The following ZNF678 variants were observed in gnomAD, a reference collection of about 807,000 sequenced individuals.
ZNF678 encodes hypothetical protein MGC42493.
In ZNF678, 5 loss-of-function variants were observed where a neutral mutation model predicts 3.0. That is an observed-to-expected ratio of 1.69 (90% confidence interval 0.88 to 3.56). ZNF678 has a LOEUF of 3.56. Ranked by LOEUF, ZNF678 falls within the 30% of genes most tolerant of loss-of-function variation. ZNF678 has a pLI of 0.00. For synonymous variants in ZNF678, 218 were observed against 199.6 expected (o/e 1.09, Z -0.78); for missense variants, 593 against 605.0 (o/e 0.98, Z 0.21).
chr1:227,596,934 G>A (rs1485653915), intron 1 of ZNF678, among the ~76,000 whole-genome samples: 1 of 152,082 alleles, frequency 6.6e-6, no homozygotes, highest in African/African-American at 2.4e-5. Flanking sequence ...AAATTCAACA[G>A]CACATAATAA....
intron 2 of ZNF678, among the ~76,000 whole-genome samples, chr1:227,650,468 A>G (rs1659062679): frequency 6.6e-6 from 1 of 152,098 alleles, no homozygotes; most frequent in Non-Finnish European, 1.5e-5. Flanking sequence ...TCAACTATTC[A>G]ATGTCTTGTA....
At chr1:227,577,027 A>G (rs1384407700) in intron 1 of ZNF678, among the ~76,000 whole-genome samples, 1 of 152,166 alleles carries the variant, frequency 6.6e-6, no homozygotes, top group Admixed American at 6.5e-5. Flanking sequence ...TTAAATTTCC[A>G]TGTAATTATA....
intron 1 of ZNF678, among the ~76,000 whole-genome samples, chr1:227,615,777 G>A (rs986481053): frequency 6.6e-6 from 1 of 152,196 alleles, no homozygotes; most frequent in Non-Finnish European, 1.5e-5. Context: ...ATGTCAGGCA[G>A]GCAGCCTTTC....
intron 1 of ZNF678, among the ~76,000 whole-genome samples, chr1:227,583,345 CTTTTTTCTTTTTTTTT>C (rs1351150102): frequency 6.9e-6 from 1 of 145,290 alleles, no homozygotes; most frequent in African/African-American, 2.5e-5. Context: ...CTTTTTTTTT[CTTTTTTCTTTTTTTTT>C]TTTTTTTTGA....
At chr1:227,569,099 C>G (rs897426375) in intron 1 of ZNF678, among the ~76,000 whole-genome samples, 4 of 152,166 alleles carry the variant, frequency 2.6e-5, no homozygotes, top group African/African-American at 9.7e-5. Flanking sequence ...TCAAGGACTT[C>G]CTGCCTCACC....
intron 1 of ZNF678, among the ~76,000 whole-genome samples, chr1:227,584,876 G>T (rs926446642): frequency 2.0e-5 from 3 of 152,208 alleles, no homozygotes; most frequent in South Asian, 2.1e-4. Flanking sequence ...CATTGAGGCT[G>T]ATCAGATATT....
chr1:227,644,630 C>T (rs1473136034), intron 1 of ZNF678, among the ~76,000 whole-genome samples: 4 of 152,140 alleles, frequency 2.6e-5, no homozygotes, highest in Admixed American at 2.0e-4. Flanking sequence ...GGACTTCTTA[C>T]AGAAGCCAGT....
chr1:227,645,359 C>A (rs1488865010), intron 1 of ZNF678, among the ~76,000 whole-genome samples: 3 of 152,056 alleles, frequency 2.0e-5, no homozygotes, highest in African/African-American at 7.2e-5. Context: ...AGCTGTTTCT[C>A]CAGAAATGTC....
At chr1:227,602,168 T>C (rs970608863) in intron 1 of ZNF678, among the ~76,000 whole-genome samples, 49 of 152,292 alleles carry the variant, frequency 3.2e-4, no homozygotes, top group African/African-American at 1.2e-3. Flanking sequence ...AACAAAAACT[T>C]ATATAAAGTT....
At chr1:227,567,531 C>G (rs1304417860) in intron 1 of ZNF678, among the ~76,000 whole-genome samples, 1 of 152,098 alleles carries the variant, frequency 6.6e-6, no homozygotes, top group African/African-American at 2.4e-5. Flanking sequence ...TACGGATCTC[C>G]TGGAAAGTGG....
chr1:227,651,511 C>T (rs966834245), intron 3 of ZNF678, among the ~76,000 whole-genome samples: 2 of 152,208 alleles, frequency 1.3e-5, no homozygotes, highest in African/African-American at 2.4e-5. Context: ...AGCTCTCTGA[C>T]TGGGTAGGAC....
chr1:227,569,390 G>A (rs1006931324), intron 1 of ZNF678, among the ~76,000 whole-genome samples: 1 of 152,018 alleles, frequency 6.6e-6, no homozygotes, highest in African/African-American at 2.4e-5. Context: ...ACTCATGGTT[G>A]TCTTTATCTA....
At chr1:227,571,411 A>G (rs1338563654) in intron 1 of ZNF678, among the ~76,000 whole-genome samples, 1 of 152,094 alleles carries the variant, frequency 6.6e-6, no homozygotes, top group Non-Finnish European at 1.5e-5. Context: ...CTGTATTTTT[A>G]TTTTAGGGTA....
chr1:227,622,728 T>C (rs1213768477), intron 1 of ZNF678, among the ~76,000 whole-genome samples: 2 of 152,192 alleles, frequency 1.3e-5, no homozygotes, highest in African/African-American at 2.4e-5. Context: ...CCTGCCTCCA[T>C]TGAGGTGGGG....
chr1:227,675,835 G>T (rs892006255), intron 5 of ZNF678, among the ~76,000 whole-genome samples: 1 of 152,262 alleles, frequency 6.6e-6, no homozygotes, highest in Admixed American at 6.5e-5. Flanking sequence ...AAACAAAAAT[G>T]CAGCTGAAAG....
chr1:227,587,692 A>G (rs1657296486), intron 1 of ZNF678, among the ~76,000 whole-genome samples: 1 of 152,184 alleles, frequency 6.6e-6, no homozygotes, highest in Non-Finnish European at 1.5e-5. Context: ...TACAAAGTGC[A>G]TGATGCAGCC....
At chr1:227,599,611 AAG>A (rs756489774) in intron 1 of ZNF678, among the ~76,000 whole-genome samples, 41 of 152,274 alleles carry the variant, frequency 2.7e-4, no homozygotes, top group Non-Finnish European at 4.6e-4. Context: ...GATTACTATG[AAG>A]ACCATTTAGT....
At chr1:227,673,699 CT>C (rs1282782577) in intron 5 of ZNF678, among the ~76,000 whole-genome samples, 2 of 152,190 alleles carry the variant, frequency 1.3e-5, no homozygotes, top group African/African-American at 4.8e-5. Context: ...GAAGATTTGC[CT>C]TATCCAATGA....
chr1:227,632,590 T>C (rs1218377449), intron 1 of ZNF678, among the ~76,000 whole-genome samples: 2 of 151,922 alleles, frequency 1.3e-5, no homozygotes, highest in African/African-American at 4.8e-5. Flanking sequence ...AGATCAACGC[T>C]CCCAACCCAG....
Sources: gnomAD v4.1 joint callset for allele counts (sites outside exome capture counted in the v4.1 genomes callset) on GRCh38, gnomAD v4.1.1 for gene constraint, MANE v1.5 for transcripts, NCBI Gene and HGNC (gene_info 2026-07-23, HGNC 2026-07-21) for gene names.